Variants in ANKRD44 observed in about 807,000 individuals in gnomAD.
ANKRD44 encodes the protein serine/threonine-protein phosphatase 6 regulatory ankyrin repeat subunit B.
Under a neutral mutation model 116.0 loss-of-function variants are expected in ANKRD44, and 35 were observed. That is an observed-to-expected ratio of 0.30 (90% CI 0.23 to 0.40). The LOEUF is 0.40. Ranked by LOEUF, ANKRD44 falls within the 10% of genes least tolerant of loss-of-function variation. The pLI is 1.00. For synonymous variants in ANKRD44, 435 were observed against 461.8 expected, an observed-to-expected ratio of 0.94 and a Z score of 0.74; for missense variants, 1,014 against 1,242.6, an observed-to-expected ratio of 0.82 and a Z score of 2.77.
intron 1 of ANKRD44, among the ~76,000 whole-genome samples, chr2:197,222,015 T>C (rs1343277139): frequency 6.6e-6 from 1 of 152,142 alleles, no homozygotes; most frequent in Non-Finnish European, 1.5e-5. Context: ...TACACCAAAA[T>C]CCTAACATTA....
chr2:197,152,187 G>A (rs565344875), intron 2 of ANKRD44, among the ~76,000 whole-genome samples: 44 of 152,172 alleles, frequency 2.9e-4, no homozygotes, highest in Non-Finnish European at 5.6e-4. Flanking sequence ...CGAGCTAAGT[G>A]CATTATTTGC....
chr2:197,228,756 C>A lies in ANKRD44; in HGVS notation c.28-41650G>T, dbSNP rs534961877. 2.0e-5 allele frequency among the ~76,000 whole-genome samples: 3 copies of A among 152,338 alleles called. No homozygotes were observed. The South Asian group carries it at 6.2e-4, about 32-fold the overall frequency. ...GAAGTTATCTGAAGAGCAGTTACAG[C>A]CTGGCGCGGAGGCTCACGCCTGTAA... is the stretch of plus-strand genomic sequence containing the variant. On this transcript the variant is annotated intron_variant, in intron 1 of 27. Transcript: ENST00000282272.
chr2:197,075,647 G>A (rs2077650481), intron 16 of ANKRD44, among the ~76,000 whole-genome samples: 1 of 152,144 alleles, frequency 6.6e-6, no homozygotes, highest in Admixed American at 6.5e-5. Context: ...CCTTTTAGAA[G>A]TCTTTTTTCC....
At chr2:197,046,006 T>C (rs765264621) in intron 16 of ANKRD44, among the ~76,000 whole-genome samples, 13 of 152,254 alleles carry the variant, frequency 8.5e-5, no homozygotes, top group Non-Finnish European at 1.9e-4. Flanking sequence ...TATAACATCC[T>C]AGAAACATAC....
chr2:196,998,544 T>A, intron 24 of ANKRD44, 125 bp from the exon 25 acceptor site: 3 of 751,808 alleles, frequency 4.0e-6, no homozygotes, highest in Non-Finnish European at 6.5e-6. Context: ...ATTTAATGTA[T>A]TTAAAGAAAA....
intron 8 of ANKRD44, among the ~76,000 whole-genome samples, chr2:197,115,053 T>C (rs970355729): frequency 2.0e-5 from 3 of 152,202 alleles, no homozygotes; most frequent in African/African-American, 4.8e-5. Flanking sequence ...AATTTGGTCC[T>C]GGTACATATA....
chr2:197,125,359 T>C (rs539969741), intron 6 of ANKRD44, 22 bp downstream of exon 6: 2 of 1,607,338 alleles, frequency 1.2e-6, no homozygotes, highest in Admixed American at 1.7e-5. Context: ...TGTACTTTGC[T>C]TTCCATGCAT....
At chr2:197,077,674 C>A (rs971537207) in intron 16 of ANKRD44, 1 of 152,206 alleles carries the variant, frequency 6.6e-6, no homozygotes, top group Non-Finnish European at 1.5e-5. Flanking sequence ...GGAGAACTTT[C>A]ATCCTGTGTT....
At chr2:197,039,169 T>C (rs1314382889) in intron 16 of ANKRD44, among the ~76,000 whole-genome samples, 1 of 152,236 alleles carries the variant, frequency 6.6e-6, no homozygotes, top group Non-Finnish European at 1.5e-5. Context: ...TTAGTTTCAT[T>C]CTTTTGTGTG....
At chr2:197,085,423 A>G (rs890045685) in intron 13 of ANKRD44, among the ~76,000 whole-genome samples, 6 of 152,300 alleles carry the variant, frequency 3.9e-5, no homozygotes, top group Non-Finnish European at 8.8e-5. Context: ...GCTGAGACCT[A>G]CTGGGCTGCA....
chr2:197,208,567 G>A lies in ANKRD44; in HGVS notation c.28-21461C>T, dbSNP rs576927416. ...CCCAATCCCAGCACTTTGGGAGGCC[G>A]AGGAGGGCAGATCACGAGGTCAGGA... On this transcript the variant is annotated intron_variant, in intron 1 of 27. Coordinates refer to ENST00000282272, the MANE Select transcript of ANKRD44 (RefSeq NM_001195144.2). 8.9e-4 allele frequency among the ~76,000 whole-genome samples: 136 copies of A among 152,236 alleles called. 5 individuals are homozygous for A. The South Asian group carries it at 0.02, about 22-fold the overall frequency.
intron 16 of ANKRD44, chr2:197,029,145 ACAGGCC>A (rs977085940): frequency 5.5e-6 from 1 of 182,520 alleles, no homozygotes; most frequent in Non-Finnish European, 1.1e-5. Context: ...CCACCCCACA[ACAGGCC>A]CTGGTGTGTG....
chr2:197,169,699 A>G (rs1410204174), intron 2 of ANKRD44, among the ~76,000 whole-genome samples: 1 of 152,082 alleles, frequency 6.6e-6, no homozygotes, highest in African/African-American at 2.4e-5. Flanking sequence ...CCCACCCTGG[A>G]CCTCCCAAAT....
chr2:197,018,083 GTCT>G (rs1417144874), intron 17 of ANKRD44, among the ~76,000 whole-genome samples: 1 of 152,182 alleles, frequency 6.6e-6, no homozygotes, highest in Non-Finnish European at 1.5e-5. Context: ...TCCAGAATCT[GTCT>G]TCTTCTCACC....
chr2:197,117,256 T>A lies in ANKRD44; in HGVS notation c.906+4076A>T, dbSNP rs975837664. 5.3e-5 allele frequency among the ~76,000 whole-genome samples: 8 copies of A among 152,262 alleles called. No homozygotes were observed. The South Asian group carries it at 8.3e-4, about 16-fold the overall frequency. On this transcript the variant is annotated intron_variant, in intron 8 of 27. Coordinates refer to ENST00000282272, the MANE Select transcript of ANKRD44 (RefSeq NM_001195144.2). ...TCCTTTATTATTTATTTATTTATTT[T>A]TTTGACAGAGTCTTGCTCTGTTGCC...
intron 1 of ANKRD44, among the ~76,000 whole-genome samples, chr2:197,248,578 G>GTATATATATATATATA (rs377124357): frequency 4.9e-5 from 7 of 144,226 alleles, no homozygotes; most frequent in African/African-American, 1.9e-4. Context: ...GTGTGTGTGT[G>GTATATATATATATATA]TATATATATA....
At chr2:197,180,345 TC>T (rs1198064158) in intron 2 of ANKRD44, among the ~76,000 whole-genome samples, 2 of 152,216 alleles carry the variant, frequency 1.3e-5, no homozygotes, top group Non-Finnish European at 2.9e-5. Flanking sequence ...TTTAGAGATT[TC>T]CTGTATTTTC....
Position 196,989,471 on chromosome 2 carries a change from G to C in ANKRD44, c.*120C>G. On this transcript the variant is annotated 3_prime_UTR_variant, in exon 28 of 28. Transcript: ENST00000282272. ...AAATGTGTATCTTCCATTTTAGACT[G>C]AAGCATTTTGGTCCTCATGTGTAGC... 1 of 1,311,076 alleles carries C rather than the reference G, an allele frequency of 7.6e-7. No homozygotes were observed. The highest frequency in any genetic ancestry group is 9.7e-7 in the Non-Finnish European group (1 of 1,026,300). The allele number at this position is 1,311,076 out of a possible 1,614,324, so 81.2% of individuals were successfully genotyped here.
rs1273130202 is a variant in ANKRD44 at position 197,273,976 on chromosome 2, AAAAAATATATATATATATATAT to A, written c.27+36580_27+36601del. Among the ~76,000 whole-genome samples, 139 of 53,488 alleles carry A rather than the reference AAAAAATATATATATATATATAT, an allele frequency of 2.6e-3. 9 individuals carry two copies. Among genetic ancestry groups the A allele is most frequent in the Admixed American group, 4.3e-3 (16 of 3,748 alleles). The allele number at this position is 53,488 out of a possible 152,430, so 35.1% of individuals were successfully genotyped here. On this transcript the variant is annotated intron_variant, in intron 1 of 27. Coordinates refer to ENST00000282272, the MANE Select transcript of ANKRD44 (RefSeq NM_001195144.2). Reference sequence around the variant, plus strand: ...AACCAACCACAAAAAAAAAAAAAAAAAAAAATATATATATATATATATATATATATATATATATATATATATA... The same window carrying A: ...AACCAACCACAAAAAAAAAAAAAAAAATATATATATATATATATATATATA...
Sources: allele counts gnomAD v4.1 joint callset (sites outside exome capture counted in the v4.1 genomes callset), GRCh38; gene constraint gnomAD v4.1.1; transcripts MANE v1.5; gene names NCBI Gene and HGNC (gene_info 2026-07-23, HGNC 2026-07-21).